PPFIA1: variants seen among roughly 807,000 people sequenced by gnomAD.
PPFIA1 encodes the protein PPFI scaffold protein A1, also known as liprin-alpha-1.
Under a neutral mutation model 149.9 loss-of-function variants are expected in PPFIA1, and 25 were observed. That is an observed-to-expected ratio of 0.17 (90% CI 0.12 to 0.23). PPFIA1 has a LOEUF of 0.23. Among genes scored for constraint, PPFIA1 ranks in the 10% least tolerant of loss-of-function variants. The pLI, the probability that PPFIA1 is intolerant of heterozygous loss-of-function variation, is 1.00. For missense variants in PPFIA1, 1,362 were observed against 1,506.5 expected, an observed-to-expected ratio of 0.90 and a Z score of 1.59; for synonymous variants, 549 against 552.8, an observed-to-expected ratio of 0.99 and a Z score of 0.10.
At chr11:70,379,677 G>A (rs1435712154) in intron 26 of PPFIA1, among the ~76,000 whole-genome samples, 1 of 151,450 alleles carries the variant, frequency 6.6e-6, no homozygotes, top group African/African-American at 2.4e-5. Flanking sequence ...TTTGTCATCA[G>A]TCCCTCCCGT....
At chr11:70,295,277 A>G (rs1240743751) in intron 2 of PPFIA1, among the ~76,000 whole-genome samples, 2,027 of 62,412 alleles carry the variant, frequency 0.032, 124 homozygotes, top group African/African-American at 0.079. Context: ...TGGCCGGGCG[A>G]GGGGCTGACC....
At chr11:70,282,608 A>G (rs2136103296) in intron 2 of PPFIA1, among the ~76,000 whole-genome samples, 3 of 132,184 alleles carry the variant, frequency 2.3e-5, no homozygotes, top group Admixed American at 9.2e-5. Flanking sequence ...GGCTCACTGC[A>G]AGCTCCACCC....
intron 2 of PPFIA1, among the ~76,000 whole-genome samples, chr11:70,295,514 C>A: frequency 7.3e-6 from 1 of 137,696 alleles, no homozygotes; most frequent in Admixed American, 7.0e-5. Context: ...GGGGGCTGAC[C>A]CCCCCCACCT....
chr11:70,354,785 G>C (rs1181506013), intron 17 of PPFIA1, among the ~76,000 whole-genome samples: 1 of 151,946 alleles, frequency 6.6e-6, no homozygotes, highest in Non-Finnish European at 1.5e-5. Flanking sequence ...CAGATGACAG[G>C]CTTGGTATTG....
chr11:70,315,502 C>T (rs766371748), intron 2 of PPFIA1, among the ~76,000 whole-genome samples: 19 of 152,048 alleles, frequency 1.2e-4, no homozygotes, highest in Admixed American at 9.8e-4. Flanking sequence ...TTCTAATTTT[C>T]TTTATTTCAA....
At chr11:70,381,723 A>C (rs1048684231) in intron 26 of PPFIA1, among the ~76,000 whole-genome samples, 1 of 152,252 alleles carries the variant, frequency 6.6e-6, no homozygotes, top group South Asian at 2.1e-4. Context: ...TGGAGCACTT[A>C]GGGCAGGGAG....
chr11:70,312,143 C>T (rs578100838), intron 2 of PPFIA1, among the ~76,000 whole-genome samples: 85 of 151,914 alleles, frequency 5.6e-4, no homozygotes, highest in African/African-American at 1.9e-3. Context: ...CACTCCTGGC[C>T]GTGAATTAGC....
chr11:70,355,490 C>T lies in PPFIA1; in HGVS notation c.2316-149C>T, dbSNP rs1009294411. ...GAATGGGTCTCCGCGCTGGCCTCGC[C>T]GGGAGTCTGCCTTTATCATGCATGA... On this transcript the variant is annotated intron_variant, in intron 17 of 27. Coordinates refer to ENST00000253925, the MANE Select transcript of PPFIA1 (RefSeq NM_003626.5). 1.7e-5 allele frequency: 12 copies of T among 724,416 alleles called. No homozygotes were observed. The Admixed American group carries it at 2.3e-4, about 14-fold the overall frequency. 44.9% of individuals were successfully genotyped at this position (724,416 alleles called of 1,614,324 possible).
chr11:70,343,742 T>C lies in PPFIA1; in HGVS notation c.1781T>C (p.Phe594Ser), dbSNP rs763995661. ...GTCTTGGCAAATGTAGCACAAGCAT[T>C]CGAGAGTGATGCTGACGTGTCTGAT... ...ASVLANVAQA[F>S]ESDADVSDGE... The change falls in exon 15 of 28, where the codon TTC becomes TCC. Residue 594 changes from phenylalanine (F) to serine (S), a missense_variant. Phe to Ser is a radical substitution (Grantham distance 155). Around this residue, in one of 7 missense-constraint regions of PPFIA1, gnomAD observed 733 missense variants for 744.1 expected, o/e 0.99. Coordinates refer to ENST00000253925, the MANE Select transcript of PPFIA1 (RefSeq NM_003626.5). 6.2e-7 allele frequency: 1 copy of C among 1,614,236 alleles called. No individual in the cohort carries two copies. Among genetic ancestry groups the C allele is most frequent in the Non-Finnish European group, 8.5e-7 (1 of 1,180,042 alleles).
chr11:70,335,455 G>A, intron 10 of PPFIA1, 108 bp from the exon 11 acceptor site: 2 of 1,322,680 alleles, frequency 1.5e-6, no homozygotes, highest in Non-Finnish European at 2.1e-6. Flanking sequence ...GGGAGCAACT[G>A]GGGGAGGGGA....
At chr11:70,301,900 C>T (rs1006556403) in intron 2 of PPFIA1, among the ~76,000 whole-genome samples, 1 of 152,240 alleles carries the variant, frequency 6.6e-6, no homozygotes, top group South Asian at 2.1e-4. Flanking sequence ...GTAATGTGAG[C>T]TGTCAGTATT....
chr11:70,340,639 G>A (rs1410913385), intron 14 of PPFIA1, among the ~76,000 whole-genome samples: 1 of 152,134 alleles, frequency 6.6e-6, no homozygotes, highest in Non-Finnish European at 1.5e-5. Context: ...TCCTAGGCCT[G>A]CAGCAGTGTG....
intron 26 of PPFIA1, 162 bp downstream of exon 26, chr11:70,378,357 T>G (rs2057573397): frequency 7.6e-7 from 1 of 1,311,382 alleles, no homozygotes. Flanking sequence ...CTCTAACATT[T>G]GTTTATAAAA....
At chr11:70,343,998 T>C in intron 15 of PPFIA1, 106 bp downstream of exon 15, 1 of 988,010 alleles carries the variant, frequency 1.0e-6, no homozygotes, top group South Asian at 1.6e-5. Flanking sequence ...TTTCTAAGTA[T>C]TACATAATAA....
chr11:70,326,187 A>C, intron 5 of PPFIA1, 75 bp from the exon 6 acceptor site: 1 of 856,978 alleles, frequency 1.2e-6, no homozygotes, highest in Non-Finnish European at 1.8e-6. Flanking sequence ...TGTTTTTCCA[A>C]AAGGAGTTTT....
At chr11:70,343,982 T>A in intron 15 of PPFIA1, 90 bp downstream of exon 15, 1 of 1,098,170 alleles carries the variant, frequency 9.1e-7, no homozygotes, top group Non-Finnish European at 1.3e-6. Flanking sequence ...GAAATACTAT[T>A]AACATTTTCT....
rs867314950 is a variant in PPFIA1, at chr11:70,272,463, T to C, written c.264+27T>C. On this transcript the variant is annotated intron_variant, in intron 2 of 27. Coordinates refer to ENST00000253925, the MANE Select transcript of PPFIA1 (RefSeq NM_003626.5). ...TATGAGTGCTTTTAACCTGAAACTA[T>C]AGATTTTTCTCCACTAAATGTTTTT... The C allele has an allele frequency of 1.9e-6, 3 of 1,556,954 alleles. No individual in the cohort carries two copies. In the Middle Eastern group the frequency reaches 5.2e-4, roughly 269 times the overall value.
intron 27 of PPFIA1, among the ~76,000 whole-genome samples, chr11:70,382,683 G>A (rs978900839): frequency 6.6e-6 from 1 of 152,186 alleles, no homozygotes; most frequent in Non-Finnish European, 1.5e-5. Flanking sequence ...CTGGTGAGTG[G>A]CCCGCCCTCT....
At chr11:70,318,697 G>A (rs549088989) in intron 2 of PPFIA1, among the ~76,000 whole-genome samples, 1 of 152,360 alleles carries the variant, frequency 6.6e-6, no homozygotes, top group East Asian at 1.9e-4. Context: ...ACTGCAGCAT[G>A]CTGCAGATGT....
Sources: gnomAD v4.1 joint callset for allele counts (sites outside exome capture counted in the v4.1 genomes callset) on GRCh38, gnomAD v4.1.1 for gene constraint, gnomAD v4.1.1 regional missense constraint, MANE v1.5 for transcripts, NCBI Gene and HGNC (gene_info 2026-07-23, HGNC 2026-07-21) for gene names.